The following CNTN4 variants were observed in gnomAD, a reference collection of about 807,000 sequenced individuals.
CNTN4 encodes the protein contactin 4.
Under a neutral mutation model 122.5 loss-of-function variants are expected in CNTN4, and 77 were observed. That is an observed-to-expected ratio of 0.63 (90% CI 0.52 to 0.76). The LOEUF is 0.76. Among genes scored for constraint, CNTN4 ranks in the 30% least tolerant of loss-of-function variants. The probability of loss-of-function intolerance (pLI) is 0.00; values close to 1 mark genes in which losing one functional copy is unlikely to be tolerated. For synonymous variants in CNTN4, 512 were observed against 447.0 expected, an observed-to-expected ratio of 1.15 and a Z score of -1.83; for missense variants, 1,256 against 1,259.1, an observed-to-expected ratio of 1.00 and a Z score of 0.04.
At chr3:2,266,413 C>G (rs999337676) in intron 2 of CNTN4, among the ~76,000 whole-genome samples, 15 of 152,054 alleles carry the variant, frequency 9.9e-5, no homozygotes, top group African/African-American at 3.6e-4. Flanking sequence ...AAATAATTCT[C>G]TTTACGACTA....
intron 3 of CNTN4, among the ~76,000 whole-genome samples, chr3:2,523,356 T>A (rs1446479679): frequency 2.5e-5 from 3 of 119,986 alleles, no homozygotes; most frequent in South Asian, 2.8e-4. Flanking sequence ...CAAGAGACCT[T>A]AAAAAAAAAA....
chr3:2,453,849 A>C (rs1417334296), intron 3 of CNTN4, among the ~76,000 whole-genome samples: 3 of 152,168 alleles, frequency 2.0e-5, no homozygotes, highest in African/African-American at 7.2e-5. Flanking sequence ...TTAATATGCA[A>C]AATCATTAAG....
intron 6 of CNTN4, among the ~76,000 whole-genome samples, chr3:2,772,338 T>C (rs2091139497): frequency 7.7e-6 from 1 of 129,444 alleles, no homozygotes; most frequent in Non-Finnish European, 1.7e-5. Flanking sequence ...AGGAGGCATA[T>C]TTGAAAAATA....
intron 4 of CNTN4, chr3:2,629,391 C>T (rs1169447122): frequency 5.9e-6 from 2 of 336,622 alleles, no homozygotes; most frequent in African/African-American, 4.3e-5. Context: ...CCTGAGCAGA[C>T]TAATGCAGCA....
chr3:2,781,899 A>ATT (rs1200722060), intron 6 of CNTN4, among the ~76,000 whole-genome samples: 4 of 77,770 alleles, frequency 5.1e-5, no homozygotes, highest in East Asian at 1.8e-3. Context: ...AATTTTTTGT[A>ATT]TTTTTAGTAG....
intron 2 of CNTN4, among the ~76,000 whole-genome samples, chr3:2,318,667 C>G (rs1374191020): frequency 2.0e-5 from 3 of 151,998 alleles, no homozygotes; most frequent in African/African-American, 7.3e-5. Context: ...TGTGTGTTTT[C>G]AGACAGGGTC....
chr3:2,111,326 A>G (rs902066527), intron 2 of CNTN4, among the ~76,000 whole-genome samples: 2 of 152,224 alleles, frequency 1.3e-5, no homozygotes, highest in African/African-American at 2.4e-5. Flanking sequence ...TGAAATTAAT[A>G]CTTTTCTTTT....
intron 2 of CNTN4, among the ~76,000 whole-genome samples, chr3:2,200,990 G>C (rs1025421981): frequency 6.6e-6 from 1 of 152,212 alleles, no homozygotes; most frequent in African/African-American, 2.4e-5. Context: ...AAAGGAAGTA[G>C]TGGGTGGGTG....
chr3:2,333,216 T>G (rs1177797304), intron 2 of CNTN4, among the ~76,000 whole-genome samples: 2 of 152,220 alleles, frequency 1.3e-5, no homozygotes, highest in African/African-American at 4.8e-5. Context: ...GGCTCTTAAG[T>G]GTCTTCCAGA....
chr3:2,909,293 C>G (rs1045486666), intron 12 of CNTN4, among the ~76,000 whole-genome samples: 3 of 152,132 alleles, frequency 2.0e-5, no homozygotes, highest in Admixed American at 1.3e-4. Flanking sequence ...GTGTCTTTAT[C>G]AAGTTATTGA....
At position 2,623,199 on chromosome 3, in the gene CNTN4, T is replaced by G. The variant is rs74662899; in HGVS notation, c.55+51641T>G. On this transcript the variant is annotated intron_variant, in intron 4 of 24. Transcript: ENST00000418658. ...CTGGTGGGCCTGCAAATAGTAAATA[T>G]TAGCTTCTTGAAAGATCCTTTATGG... Among the ~76,000 whole-genome samples, 709 of 152,256 alleles carry G rather than the reference T, an allele frequency of 4.7e-3. 6 individuals carry two copies. The highest frequency in any genetic ancestry group is 0.017 in the African/African-American group (689 of 41,536).
chr3:2,584,868 TGGTA>T (rs527302765), intron 4 of CNTN4, among the ~76,000 whole-genome samples: 9 of 151,866 alleles, frequency 5.9e-5, no homozygotes, highest in Non-Finnish European at 8.8e-5. Context: ...TTCTCTACAG[TGGTA>T]GGTAGGTAGG....
At chr3:2,163,621 A>G (rs1043803109) in intron 2 of CNTN4, among the ~76,000 whole-genome samples, 2 of 152,134 alleles carry the variant, frequency 1.3e-5, no homozygotes, top group Non-Finnish European at 2.9e-5. Flanking sequence ...GGACTAAAAT[A>G]TCGAGAATCT....
rs1427986962 is a variant in CNTN4 at position 2,385,368 on chromosome 3, C to G, written c.-89+46135C>G. On this transcript the variant is annotated intron_variant, in intron 3 of 24. Coordinates refer to ENST00000418658, the MANE Select transcript of CNTN4 (RefSeq NM_175607.3). The surrounding 1 kb of genome is among the most constrained non-coding windows in gnomAD (Gnocchi z 4.0). Reference sequence around the variant, plus strand: ...CTTGTTGCACTGAATAACCTATTAGCATACTTAAGGCAGAGTCTTTGTCCT... The same window carrying G: ...CTTGTTGCACTGAATAACCTATTAGGATACTTAAGGCAGAGTCTTTGTCCT... Among the ~76,000 whole-genome samples, 1 of 152,188 alleles carries G rather than the reference C, an allele frequency of 6.6e-6. No individual in the cohort carries two copies. Among genetic ancestry groups the G allele is most frequent in the African/African-American group, 2.4e-5 (1 of 41,552 alleles).
chr3:2,892,977 C>T (rs542002079), intron 10 of CNTN4, among the ~76,000 whole-genome samples: 3 of 152,274 alleles, frequency 2.0e-5, no homozygotes, highest in African/African-American at 7.2e-5. Context: ...GCCAATACAA[C>T]ATTTTAATAC....
intron 2 of CNTN4, among the ~76,000 whole-genome samples, chr3:2,295,790 C>T (rs1029902171): frequency 6.6e-6 from 1 of 151,976 alleles, no homozygotes; most frequent in Non-Finnish European, 1.5e-5. Flanking sequence ...AGGTTTTTTT[C>T]TAGGGTTTTT....
At chr3:2,654,261 G>C (rs1283657477) in intron 4 of CNTN4, among the ~76,000 whole-genome samples, 3 of 152,180 alleles carry the variant, frequency 2.0e-5, no homozygotes, top group African/African-American at 7.2e-5. Context: ...TCCATGGCCA[G>C]CCTCTTTGTT....
At chr3:2,565,124 G>A (rs1003195523) in intron 3 of CNTN4, among the ~76,000 whole-genome samples, 2 of 152,088 alleles carry the variant, frequency 1.3e-5, no homozygotes, top group African/African-American at 4.8e-5. Flanking sequence ...TCAACCATTG[G>A]GTAGGTGAGT....
intron 4 of CNTN4, among the ~76,000 whole-genome samples, chr3:2,671,663 C>A (rs543902714): frequency 6.6e-6 from 1 of 152,146 alleles, no homozygotes; most frequent in African/African-American, 2.4e-5. Context: ...AGGAGAGGCG[C>A]GCTGATTTTT....
Sources: allele counts gnomAD v4.1 joint callset (sites outside exome capture counted in the v4.1 genomes callset), GRCh38; gene constraint gnomAD v4.1.1; non-coding constraint Gnocchi (gnomAD v3.1); transcripts MANE v1.5; gene names NCBI Gene and HGNC (gene_info 2026-07-23, HGNC 2026-07-21).